The following SEL1L2 variants were observed in gnomAD, a reference collection of about 807,000 sequenced individuals.
SEL1L2 encodes the protein protein sel-1 homolog 2.
SEL1L2 carries 89 observed loss-of-function variants against 98.8 expected under a neutral mutation model. The ratio of observed to expected loss-of-function variants is 0.90; its 90% CI spans 0.76 to 1.07. The LOEUF (loss-of-function observed/expected upper bound fraction) is 1.07. Ranked by LOEUF, SEL1L2 falls within the 50% of genes least tolerant of loss-of-function variation. SEL1L2 has a pLI of 0.00. For synonymous variants in SEL1L2, 262 were observed against 278.5 expected (o/e 0.94, Z 0.59); for missense variants, 788 against 812.0 (o/e 0.97, Z 0.36).
intron 5 of SEL1L2, among the ~76,000 whole-genome samples, chr20:13,908,141 A>AGG (rs1177844987): frequency 5.1e-4 from 26 of 50,934 alleles, no homozygotes; most frequent in Non-Finnish European, 8.3e-4. Flanking sequence ...TTTTTGAGAC[A>AGG]GGGTTTTGCT....
At chr20:13,974,789 C>T (rs573168582) in intron 1 of SEL1L2, among the ~76,000 whole-genome samples, 99 of 152,118 alleles carry the variant, frequency 6.5e-4, no homozygotes, top group African/African-American at 2.3e-3. Context: ...TTTCCCTGAA[C>T]CTACTTGTAC....
intron 5 of SEL1L2, among the ~76,000 whole-genome samples, chr20:13,892,161 A>G (rs1341663929): frequency 6.6e-6 from 1 of 152,180 alleles, no homozygotes; most frequent in Admixed American, 6.5e-5. Context: ...TTGTTATAAG[A>G]TATTTTAGCC....
chr20:13,866,839 T>C lies in SEL1L2; in HGVS notation c.1267A>G (p.Ile423Val). The C allele has an allele frequency of 6.2e-7, 1 of 1,605,042 alleles. No individual in the cohort carries two copies. The highest frequency in any genetic ancestry group is 8.5e-7 in the Non-Finnish European group (1 of 1,177,348). ...LGFMYYSGSG[I>V]WKDYKLAFKY... ...AAGGCAAGTTTATAATCCTTCCATA[T>C]TCCAGAGCCAGCTGAAAATTAAAAT... is the stretch of plus-strand genomic sequence containing the variant. The change falls in exon 15 of 20, where the codon ATA becomes GTA. Residue 423 changes from isoleucine to valine, a missense_variant. Coordinates refer to ENST00000284951, the MANE Select transcript of SEL1L2 (RefSeq NM_025229.2).
At chr20:13,883,903 G>T (rs908708707) in intron 10 of SEL1L2, among the ~76,000 whole-genome samples, 2 of 152,234 alleles carry the variant, frequency 1.3e-5, no homozygotes, top group African/African-American at 2.4e-5. Flanking sequence ...ATTGCAGGCT[G>T]AAATCTGACA....
chr20:13,973,344 G>A (rs1355946948), intron 1 of SEL1L2: 1 of 152,140 alleles, frequency 6.6e-6, no homozygotes, highest in Non-Finnish European at 1.5e-5. Context: ...ACAAATTTGT[G>A]AGTCACCCTT....
intron 1 of SEL1L2, among the ~76,000 whole-genome samples, chr20:13,975,182 C>T (rs1449380141): frequency 1.3e-5 from 2 of 152,056 alleles, no homozygotes; most frequent in Non-Finnish European, 2.9e-5. Context: ...ATTAGAAAAT[C>T]TATAAAAAAC....
chr20:13,903,322 C>G (rs1288273917), intron 5 of SEL1L2, among the ~76,000 whole-genome samples: 2 of 152,142 alleles, frequency 1.3e-5, no homozygotes, highest in Admixed American at 6.5e-5. Flanking sequence ...ATATCACTTT[C>G]TCACGGTTCC....
intron 5 of SEL1L2, among the ~76,000 whole-genome samples, chr20:13,891,699 C>A: frequency 6.8e-6 from 1 of 146,962 alleles, no homozygotes. Context: ...AAAGACAAAG[C>A]TGTCCACCAA....
chr20:13,946,496 A>G (rs2050014420), intron 2 of SEL1L2, among the ~76,000 whole-genome samples: 2 of 152,246 alleles, frequency 1.3e-5, no homozygotes, highest in Admixed American at 1.3e-4. Context: ...AGAAGACACT[A>G]ACAAATGGAA....
intron 1 of SEL1L2, among the ~76,000 whole-genome samples, chr20:13,978,387 G>A (rs2051646035): frequency 6.6e-6 from 1 of 152,144 alleles, no homozygotes; most frequent in Non-Finnish European, 1.5e-5. Context: ...CAATAGAATA[G>A]CTCTATTATC....
intron 15 of SEL1L2, 122 bp downstream of exon 15, chr20:13,866,580 G>C: frequency 1.2e-6 from 1 of 840,614 alleles, no homozygotes; most frequent in African/African-American, 1.8e-5. Flanking sequence ...TATTCACATT[G>C]TCAACTGGAA....
At chr20:13,890,876 T>C (rs1412950281) in intron 5 of SEL1L2, among the ~76,000 whole-genome samples, 1 of 151,898 alleles carries the variant, frequency 6.6e-6, no homozygotes, top group Non-Finnish European at 1.5e-5. Flanking sequence ...ATTTTAGAAA[T>C]GCACTAAAGG....
chr20:13,942,463 G>A (rs989371268), intron 2 of SEL1L2, among the ~76,000 whole-genome samples: 1 of 152,140 alleles, frequency 6.6e-6, no homozygotes, highest in African/African-American at 2.4e-5. Context: ...TGCTCCACCT[G>A]AGGTCTACAG....
At chr20:13,960,593 A>G (rs1042899745) in intron 1 of SEL1L2, among the ~76,000 whole-genome samples, 3 of 152,216 alleles carry the variant, frequency 2.0e-5, no homozygotes, top group Admixed American at 2.0e-4. Flanking sequence ...AAGAAAAAGA[A>G]GCTTCCATTG....
At chr20:13,922,143 C>A (rs1213352052) in intron 3 of SEL1L2, among the ~76,000 whole-genome samples, 2 of 152,122 alleles carry the variant, frequency 1.3e-5, no homozygotes, top group Non-Finnish European at 2.9e-5. Flanking sequence ...ACCAAATATA[C>A]AATAATGCAT....
intron 1 of SEL1L2, among the ~76,000 whole-genome samples, chr20:13,986,642 AT>A (rs2052199745): frequency 6.6e-6 from 1 of 152,088 alleles, no homozygotes; most frequent in South Asian, 2.1e-4. Flanking sequence ...CAATTTGTTT[AT>A]TTACTCATTT....
chr20:13,876,406 C>CTCT (rs2046431287), intron 11 of SEL1L2, among the ~76,000 whole-genome samples: 2 of 101,946 alleles, frequency 2.0e-5, no homozygotes, highest in African/African-American at 7.0e-5. Flanking sequence ...CTCTCTCTCT[C>CTCT]TTTTTTTTTT....
At chr20:13,918,928 C>A in intron 4 of SEL1L2, 93 bp downstream of exon 4, 1 of 797,338 alleles carries the variant, frequency 1.3e-6, no homozygotes, top group Non-Finnish European at 2.1e-6. Context: ...ACTCATTATC[C>A]CAATGAGTTT....
chr20:13,852,905 T>C (rs1055656682), intron 18 of SEL1L2, among the ~76,000 whole-genome samples: 2 of 152,176 alleles, frequency 1.3e-5, no homozygotes, highest in Non-Finnish European at 2.9e-5. Context: ...GGGAAGGTCG[T>C]TTTTGACTAA....
Sources: allele counts gnomAD v4.1 joint callset (sites outside exome capture counted in the v4.1 genomes callset), GRCh38; gene constraint gnomAD v4.1.1; transcripts MANE v1.5; gene names NCBI Gene and HGNC (gene_info 2026-07-23, HGNC 2026-07-21).